ADAMTS2: variants seen among roughly 807,000 people sequenced by gnomAD.
ADAMTS2 encodes the protein ADAM metallopeptidase with thrombospondin type 1 motif 2.
ADAMTS2 carries 50 observed loss-of-function variants against 123.0 expected under a neutral mutation model. The observed-to-expected ratio is 0.41, with a 90% CI of 0.32 to 0.51. The LOEUF (loss-of-function observed/expected upper bound fraction) is 0.51, where lower values mean the gene tolerates loss of function less well. Among genes scored for constraint, ADAMTS2 ranks in the 20% least tolerant of loss-of-function variants. The probability of loss-of-function intolerance (pLI) is 0.35; values close to 1 mark genes in which losing one functional copy is unlikely to be tolerated. For missense variants in ADAMTS2, 1,494 were observed against 1,705.2 expected, an observed-to-expected ratio of 0.88 and a Z score of 2.18; for synonymous variants, 678 against 695.4, an observed-to-expected ratio of 0.98 and a Z score of 0.39.
At chr5:179,297,452 G>A (rs1756371714) in intron 2 of ADAMTS2, among the ~76,000 whole-genome samples, 1 of 152,006 alleles carries the variant, frequency 6.6e-6, no homozygotes. Context: ...GGTGAAGTTG[G>A]TATGGGGACC....
At chr5:179,321,157 AGC>A (rs1203243937) in intron 2 of ADAMTS2, among the ~76,000 whole-genome samples, 4 of 152,184 alleles carry the variant, frequency 2.6e-5, no homozygotes, top group South Asian at 2.1e-4. Context: ...TCTCTTCTAT[AGC>A]TTCAAACTCT....
chr5:179,231,243 G>T (rs549448017), intron 3 of ADAMTS2, among the ~76,000 whole-genome samples: 1 of 152,166 alleles, frequency 6.6e-6, no homozygotes, highest in Non-Finnish European at 1.5e-5. Context: ...CTGGGGGAGC[G>T]GGAAATGGGG....
intron 2 of ADAMTS2, among the ~76,000 whole-genome samples, chr5:179,321,254 A>G (rs527979146): frequency 1.3e-5 from 2 of 152,122 alleles, no homozygotes; most frequent in Non-Finnish European, 2.9e-5. Context: ...CCACACACAC[A>G]TCTACACAAG....
In ADAMTS2 at chr5:179,308,210, C is replaced by G. The variant is rs1382442055; in HGVS notation, c.535-35146G>C. ...ATTTCTCCCCAGTTAGTAAAGCATT[C>G]AGGCTGCTCGGTGGAGGTGGGAAGA... On this transcript the variant is annotated intron_variant, in intron 2 of 21. Coordinates refer to ENST00000251582, the MANE Select transcript of ADAMTS2 (RefSeq NM_014244.5). This position sits in a 1 kb window ranked among gnomAD's most constrained non-coding sequence, Gnocchi z 6.6. 1.3e-5 allele frequency among the ~76,000 whole-genome samples: 2 copies of G among 152,192 alleles called. No individual in the cohort carries two copies. Among genetic ancestry groups the G allele is most frequent in the Non-Finnish European group, 2.9e-5 (2 of 68,034 alleles).
chr5:179,125,913 C>A, intron 18 of ADAMTS2, 85 bp downstream of exon 18: 1 of 1,576,836 alleles, frequency 6.3e-7, no homozygotes, highest in South Asian at 1.1e-5. Flanking sequence ...GATGCCAGGC[C>A]CAGGCCCCAC....
chr5:179,254,603 C>A (rs1387474094), intron 3 of ADAMTS2, among the ~76,000 whole-genome samples: 1 of 151,996 alleles, frequency 6.6e-6, no homozygotes, highest in African/African-American at 2.4e-5. Flanking sequence ...TGGGTGAAGT[C>A]GGGGGGGCGT....
chr5:179,125,215 G>A (rs776583567), intron 18 of ADAMTS2, 35 bp from the exon 19 acceptor site: 57 of 1,599,782 alleles, frequency 3.6e-5, no homozygotes, highest in East Asian at 6.7e-5. Context: ...TCAGGCTTCC[G>A]CAGCACCTGG....
intron 4 of ADAMTS2, among the ~76,000 whole-genome samples, chr5:179,184,476 ACT>A (rs1481782972): frequency 1.4e-5 from 2 of 145,090 alleles, no homozygotes; most frequent in African/African-American, 5.2e-5. Flanking sequence ...GCGTCATTGC[ACT>A]CCAGCCTGGG....
intron 2 of ADAMTS2, among the ~76,000 whole-genome samples, chr5:179,326,457 T>A (rs1416880681): frequency 6.6e-6 from 1 of 150,926 alleles, no homozygotes; most frequent in African/African-American, 2.4e-5. Context: ...AGGGAGAGCA[T>A]CCTACCCCGG....
intron 3 of ADAMTS2, among the ~76,000 whole-genome samples, chr5:179,216,524 G>A (rs1266104003): frequency 6.6e-6 from 1 of 151,944 alleles, no homozygotes; most frequent in Non-Finnish European, 1.5e-5. Context: ...TCCAGCGCGT[G>A]GTCCCCACCT....
Position 179,117,628 on chromosome 5 carries a change from C to T in ADAMTS2, c.3179-3304G>A, listed in dbSNP as rs1345994632. ...AGTGCAGTGGCGTGATCTTGGCTCACTGCAACCTCCGCCTCCTGGGTTCAA... is the reference window on the plus strand; with the variant it reads ...AGTGCAGTGGCGTGATCTTGGCTCATTGCAACCTCCGCCTCCTGGGTTCAA... On this transcript the variant is annotated intron_variant, in intron 21 of 21. Coordinates refer to ENST00000251582, the MANE Select transcript of ADAMTS2 (RefSeq NM_014244.5). This position sits in a 1 kb window ranked among gnomAD's most constrained non-coding sequence, Gnocchi z 4.2. 1.3e-5 allele frequency among the ~76,000 whole-genome samples: 2 copies of T among 151,512 alleles called. No homozygotes were observed. The highest frequency in any genetic ancestry group is 2.9e-5 in the Non-Finnish European group (2 of 67,978).
At chr5:179,245,495 G>A (rs972137357) in intron 3 of ADAMTS2, among the ~76,000 whole-genome samples, 6 of 151,982 alleles carry the variant, frequency 3.9e-5, no homozygotes, top group Non-Finnish European at 7.4e-5. Flanking sequence ...GGCCGGGCGC[G>A]GTGGCTCACG....
chr5:179,216,568 A>G (rs11744583), intron 3 of ADAMTS2, among the ~76,000 whole-genome samples: 22,116 of 152,196 alleles, frequency 0.15, 1,725 homozygotes, highest in Admixed American at 0.21. Context: ...TGCTGAGCCC[A>G]AGACTTCCTC....
In ADAMTS2 at chr5:179,185,469, C is replaced by T. The variant is rs1028931974; in HGVS notation, c.892-4314G>A. Among the ~76,000 whole-genome samples the T allele has an allele frequency of 1.3e-5, 2 of 152,100 alleles. No individual in the cohort carries two copies. Among genetic ancestry groups the T allele is most frequent in the Non-Finnish European group, 2.9e-5 (2 of 68,000 alleles). ...GCCCTCTCCTGGCTCCTGGCCAGGC[C>T]CTGCCCCTCAGGACGCAAGATCTTC... On this transcript the variant is annotated intron_variant, in intron 4 of 21. Transcript: ENST00000251582. The surrounding 1 kb of genome is among the most constrained non-coding windows in gnomAD (Gnocchi z 5.9).
chr5:179,289,564 C>T (rs538068141), intron 2 of ADAMTS2, among the ~76,000 whole-genome samples: 15 of 152,206 alleles, frequency 9.9e-5, no homozygotes, highest in African/African-American at 3.6e-4. Flanking sequence ...CAGCAGCTAC[C>T]CACGGGAGAT....
At chr5:179,326,181 A>C (rs555429533) in intron 2 of ADAMTS2, among the ~76,000 whole-genome samples, 2 of 149,350 alleles carry the variant, frequency 1.3e-5, no homozygotes, top group African/African-American at 4.9e-5. Context: ...GATTTGGTGG[A>C]GAAATGGCGT....
intron 3 of ADAMTS2, among the ~76,000 whole-genome samples, chr5:179,265,836 G>A (rs531314633): frequency 1.9e-4 from 29 of 152,372 alleles, no homozygotes; most frequent in Non-Finnish European, 2.5e-4. Flanking sequence ...TCCCGGAGCC[G>A]CCTCGGGTTT....
At chr5:179,338,795 G>A (rs985899292) in intron 2 of ADAMTS2, among the ~76,000 whole-genome samples, 1 of 152,178 alleles carries the variant, frequency 6.6e-6, no homozygotes, top group African/African-American at 2.4e-5. Flanking sequence ...AAGGGTTGTC[G>A]GGGAGAGACC....
In ADAMTS2 at chr5:179,115,702, G is replaced by GGA. The variant is rs1401009415; in HGVS notation, c.3179-1379_3179-1378insTC. 9.9e-5 allele frequency among the ~76,000 whole-genome samples: 15 copies of GGA among 151,052 alleles called. No individual in the cohort carries two copies. Among genetic ancestry groups the GGA allele is most frequent in the South Asian group, 4.2e-4 (2 of 4,804 alleles). The stretch of plus-strand genomic sequence containing the variant: ...AGGAAGAAAGGGAGGAGGAAAGGGA[G>GGA]GGAGAAAGGGAGGGAGAAAGGCTCA... On this transcript the variant is annotated intron_variant, in intron 21 of 21. Transcript: ENST00000251582. This position sits in a 1 kb window ranked among gnomAD's most constrained non-coding sequence, Gnocchi z 4.4.
Sources: allele counts gnomAD v4.1 joint callset (sites outside exome capture counted in the v4.1 genomes callset), GRCh38; gene constraint gnomAD v4.1.1; non-coding constraint Gnocchi (gnomAD v3.1); transcripts MANE v1.5; gene names NCBI Gene and HGNC (gene_info 2026-07-23, HGNC 2026-07-21).